SPRY3: variants seen among roughly 807,000 people sequenced by gnomAD.
SPRY3 encodes protein sprouty homolog 3.
Under a neutral mutation model 20.2 loss-of-function variants are expected in SPRY3, and 15 were observed. That is an observed-to-expected ratio of 0.74 (90% CI 0.50 to 1.14). SPRY3 has a LOEUF of 1.14. SPRY3 is among the 50% of genes most tolerant of loss of function. The pLI is 0.00. For synonymous variants in SPRY3, 143 were observed against 136.5 expected (o/e 1.05, Z -0.33); for missense variants, 364 against 363.9 (o/e 1.00, Z 0.00).
intron 2 of SPRY3, among the ~76,000 whole-genome samples, chrX:155,742,889 A>T (rs1402231927): frequency 2.6e-5 from 4 of 152,148 alleles, no homozygotes; most frequent in Admixed American, 6.5e-5. Context: ...AGCTAGAAAG[A>T]TCTCAAATCA....
At chrX:155,705,158 G>T (rs963810400) in intron 2 of SPRY3, among the ~76,000 whole-genome samples, 2 of 151,160 alleles carry the variant, frequency 1.3e-5, no homozygotes, top group Non-Finnish European at 3.0e-5. Flanking sequence ...ACTGTCTAAA[G>T]AAAAAATATA....
chrX:155,766,193 T>C (rs988171408), intron 2 of SPRY3, among the ~76,000 whole-genome samples: 4 of 152,132 alleles, frequency 2.6e-5, no homozygotes, highest in African/African-American at 9.7e-5. Flanking sequence ...TCACAACTGT[T>C]TGGAGCACCT....
intron 2 of SPRY3, among the ~76,000 whole-genome samples, chrX:155,717,052 G>A (rs1370882834): frequency 3.5e-5 from 5 of 141,922 alleles, no homozygotes; most frequent in Non-Finnish European, 7.6e-5. Flanking sequence ...CCAGCTACTC[G>A]GGAGGCTGAG....
exon 4 of SPRY3, chrX:155,773,957 A>G: frequency 1.2e-6 from 2 of 1,613,968 alleles, no homozygotes; most frequent in Non-Finnish European, 1.7e-6. Flanking sequence ...GACTACGTGG[A>G]ACGGCCTCCA....
downstream of SPRY3, chrX:155,779,810 A>G (rs1019379898): frequency 3.8e-4 from 63 of 167,188 alleles, no homozygotes; most frequent in African/African-American, 1.4e-3. Flanking sequence ...GCTACCTTTT[A>G]TTCACATATA....
At chrX:155,770,820 A>T (rs2091375998) in intron 3 of SPRY3, among the ~76,000 whole-genome samples, 1 of 152,082 alleles carries the variant, frequency 6.6e-6, no homozygotes, top group African/African-American at 2.4e-5. Context: ...TTCCTTTCTC[A>T]ACATATTTTT....
chrX:155,613,301 T>C (rs2067837762), intron 1 of SPRY3, among the ~76,000 whole-genome samples: 1 of 111,426 alleles, frequency 9.0e-6, no homozygotes, highest in Non-Finnish European at 1.9e-5. Flanking sequence ...ATTACTCCCA[T>C]CGATTCAGCT....
intron 2 of SPRY3, among the ~76,000 whole-genome samples, chrX:155,707,148 C>A (rs886229824): frequency 6.6e-6 from 1 of 151,026 alleles, no homozygotes; most frequent in African/African-American, 2.4e-5. Context: ...TTTTTCCAAG[C>A]ACTGCTTAAG....
chrX:155,754,578 C>T (rs2091276562), intron 2 of SPRY3, among the ~76,000 whole-genome samples: 1 of 151,800 alleles, frequency 6.6e-6, no homozygotes, highest in Non-Finnish European at 1.5e-5. Flanking sequence ...ATTCTGTACC[C>T]CTTGCATTTC....
At chrX:155,671,786 T>C (rs944600197) in intron 2 of SPRY3, among the ~76,000 whole-genome samples, 10 of 111,267 alleles carry the variant, frequency 9.0e-5, no homozygotes, top group Admixed American at 4.8e-4. Flanking sequence ...TTAGGTCTAA[T>C]ATTTAAGTCT....
intron 1 of SPRY3, among the ~76,000 whole-genome samples, chrX:155,633,389 A>C (rs1557350693): frequency 9.4e-6 from 1 of 106,182 alleles, no homozygotes; most frequent in Non-Finnish European, 1.9e-5. Flanking sequence ...AAAAAAAAAA[A>C]AAAAAAAAAA....
chrX:155,768,264 G>C, intron 3 of SPRY3, 128 bp downstream of exon 2: 1 of 151,936 alleles, frequency 6.6e-6, no homozygotes, highest in East Asian at 1.9e-4. Context: ...GGGCGCGCGC[G>C]CGCAAGCGCA....
At chrX:155,719,136 C>T (rs1319510325) in intron 2 of SPRY3, among the ~76,000 whole-genome samples, 2 of 152,090 alleles carry the variant, frequency 1.3e-5, no homozygotes, top group African/African-American at 4.8e-5. Context: ...CAGCATGCTG[C>T]AGAGAGCATT....
At chrX:155,671,789 T>G (rs1337999389) in intron 2 of SPRY3, among the ~76,000 whole-genome samples, 2 of 111,432 alleles carry the variant, frequency 1.8e-5, no homozygotes, top group African/African-American at 6.5e-5. Context: ...GGTCTAATAT[T>G]TAAGTCTTTA....
At chrX:155,675,459 T>C (rs1459604133) in intron 2 of SPRY3, among the ~76,000 whole-genome samples, 1 of 111,092 alleles carries the variant, frequency 9.0e-6, no homozygotes, top group Admixed American at 9.6e-5. Context: ...CTTAAAGGCA[T>C]GCCAGAAACG....
rs142827392 is a variant in SPRY3 at position 155,761,562 on chromosome X, A to C, written c.-281-6400A>C. ...GAACTATTTATTTTCCTTTGGTTAT[A>C]TACCCAATAGTGGGATTGCTGGGTC... On this transcript the variant is annotated intron_variant, in intron 2 of 3. Transcript: ENST00000675360. Among the ~76,000 whole-genome samples the C allele has an allele frequency of 5.7e-3, 867 of 152,236 alleles. 6 individuals are homozygous for C. Among genetic ancestry groups the C allele is most frequent in the African/African-American group, 0.02 (841 of 41,538 alleles).
chrX:155,759,496 TTTA>T (rs2091295963), intron 2 of SPRY3, among the ~76,000 whole-genome samples: 1 of 152,128 alleles, frequency 6.6e-6, no homozygotes, highest in African/African-American at 2.4e-5. Context: ...CAGGGATTCA[TTTA>T]TTAATTATAT....
intron 2 of SPRY3, among the ~76,000 whole-genome samples, chrX:155,738,441 ATTAGAAGCAGCTTCAGTCCATGGC>A (rs1205512053): frequency 1.3e-5 from 2 of 152,176 alleles, no homozygotes; most frequent in Non-Finnish European, 2.9e-5. Flanking sequence ...AAGATGGTCG[ATTAGAAGCAGCTTCAGTCCATGGC>A]TTTCATGGAG....
rs1041058407 is a variant in SPRY3, at chrX:155,774,289, C to T, written c.418C>T (p.Pro140Ser). ...AGAAGCTGAGCAATCTGCAGGGCACCCTAGTGAGCACCTCTTCATCTGTGA... is the reference window on the plus strand; with the variant it reads ...AGAAGCTGAGCAATCTGCAGGGCACTCTAGTGAGCACCTCTTCATCTGTGA... Residue 140 changes from proline (P) to serine (S), a missense_variant, in exon 4 of 4, where the codon CCT (proline) becomes TCT (serine). By Grantham distance (74) the Pro-to-Ser change is moderately conservative. Transcript: ENST00000675360. 3.7e-6 allele frequency: 6 copies of T among 1,613,908 alleles called. No individual in the cohort carries two copies. The African/African-American group carries it at 8.0e-5, about 22-fold the overall frequency.
Sources: allele counts gnomAD v4.1 joint callset (sites outside exome capture counted in the v4.1 genomes callset), GRCh38; gene constraint gnomAD v4.1.1; transcripts MANE v1.5; gene names NCBI Gene and HGNC (gene_info 2026-07-23, HGNC 2026-07-21).